Variants in PCK2 observed in about 807,000 individuals in gnomAD.
PCK2 encodes the protein phosphoenolpyruvate carboxykinase 2, mitochondrial, also known as phosphoenolpyruvate carboxykinase [GTP], mitochondrial.
Under a neutral mutation model 65.9 loss-of-function variants are expected in PCK2, and 56 were observed. That is an observed-to-expected ratio of 0.85 (90% CI 0.69 to 1.06). PCK2 has a LOEUF of 1.06. PCK2 is among the 50% of genes least tolerant of loss of function. PCK2 has a pLI of 0.00. For synonymous variants in PCK2, 305 were observed against 319.6 expected (o/e 0.95, Z 0.49); for missense variants, 843 against 863.1 (o/e 0.98, Z 0.29).
rs1206371356 is a variant in PCK2, at chr14:24,100,156, C to T, written c.1177C>T (p.Gln393Ter). The T allele has an allele frequency of 6.2e-7, 1 of 1,614,010 alleles. No individual in the cohort carries two copies. The highest frequency in any genetic ancestry group is 8.5e-7 in the Non-Finnish European group (1 of 1,179,928). Reference sequence around the variant, plus strand: ...TGGCGTGTACTGGGAGGGCATTGACCAGCCTCTTCCACCTGGTGTTACTGT... The same window carrying T: ...TGGCGTGTACTGGGAGGGCATTGACTAGCCTCTTCCACCTGGTGTTACTGT... ...DGGVYWEGID[Q>*]PLPPGVTVTS... Residue 393 changes from glutamine (Q) to a stop codon, truncating the protein, a stop_gained, in exon 7 of 10, where the codon CAG (glutamine) becomes TAG (stop). Transcript: ENST00000216780. LOFTEE classifies it high-confidence loss of function.
At position 24,094,383 on chromosome 14, in the gene PCK2, C is replaced by A; in HGVS notation, c.-23C>A. On this transcript the variant is annotated 5_prime_UTR_variant, in exon 1 of 10. Transcript: ENST00000216780. This position sits in a 1 kb window ranked among gnomAD's most constrained non-coding sequence, Gnocchi z 4.1. ...CCGGCTCCGCTCGGTTCCTGGCCAC[C>A]CCGCAGCCCCTGCCCAGGTGCCATG... 1 of 1,548,056 alleles carries A rather than the reference C, an allele frequency of 6.5e-7. No homozygotes were observed. Among genetic ancestry groups the A allele is most frequent in the East Asian group, 2.5e-5 (1 of 40,306 alleles).
In PCK2 at chr14:24,094,682, C is replaced by CT; in HGVS notation, c.29+249dup. 6.6e-7 allele frequency: 1 copy of CT among 1,521,438 alleles called. No homozygotes were observed. Among genetic ancestry groups the CT allele is most frequent in the Non-Finnish European group, 8.8e-7 (1 of 1,138,098 alleles). 94.2% of individuals were successfully genotyped at this position (1,521,438 alleles called of 1,614,324 possible). A position where few individuals can be genotyped will look rare whatever the true frequency, so the allele number is the denominator to read the frequency against. On this transcript the variant is annotated intron_variant, in intron 1 of 9. Coordinates refer to ENST00000216780, the MANE Select transcript of PCK2 (RefSeq NM_004563.4). This position sits in a 1 kb window ranked among gnomAD's most constrained non-coding sequence, Gnocchi z 4.1. Reference sequence around the variant, plus strand: ...TCGCTCGCCTCTGACCGCGCGATCTCTATCTGCCACTCTCAGAACTTCCTC... The same window carrying CT: ...TCGCTCGCCTCTGACCGCGCGATCTCTTATCTGCCACTCTCAGAACTTCCTC...
intron 4 of PCK2, 146 bp downstream of exon 4, chr14:24,098,824 G>A (rs1441422735): frequency 7.9e-6 from 6 of 759,950 alleles, no homozygotes; most frequent in Non-Finnish European, 1.3e-5. Flanking sequence ...CCCAGCAGAG[G>A]GATAAGGCTG....
rs765307535 is a variant in PCK2 at position 24,099,252 on chromosome 14, G to T, written c.852+16G>T. The T allele has an allele frequency of 7.0e-6, 11 of 1,582,032 alleles. 1 individual carries two copies. The South Asian group carries it at 1.2e-4, about 17-fold the overall frequency. ...GCACATGCTGGTGAGGGCCTGGTGA[G>T]AAGCAGGGCAGCTGCCGGGGACAGG... On this transcript the variant is annotated intron_variant, in intron 5 of 9. Coordinates refer to ENST00000216780, the MANE Select transcript of PCK2 (RefSeq NM_004563.4).
intron 7 of PCK2, chr14:24,100,541 A>T: frequency 1.0e-6 from 1 of 982,798 alleles, no homozygotes; most frequent in Non-Finnish European, 1.3e-6. Context: ...TGACAAATAC[A>T]CAGTAAATTC....
chr14:24,096,205 G>A (rs1233707508), intron 1 of PCK2, among the ~76,000 whole-genome samples: 1 of 148,430 alleles, frequency 6.7e-6, no homozygotes, highest in Non-Finnish European at 1.5e-5. Flanking sequence ...CTTGACACTT[G>A]GGCCAAAGGC....
In PCK2 at chr14:24,099,058, T is replaced by C. The variant is rs1448658147; in HGVS notation, c.674T>C (p.Val225Ala). ...GQPLTGQGEP[V>A]SQWPCNPEKT... ...ACCCCATTGTCCCCAGGGGAGCCAG[T>C]GAGCCAGTGGCCGTGCAACCCAGAG... The change falls in exon 5 of 10, where the codon GTG (valine) becomes GCG (alanine). Residue 225 changes from valine to alanine, a missense_variant. Coordinates refer to ENST00000216780, the MANE Select transcript of PCK2 (RefSeq NM_004563.4). The C allele has an allele frequency of 1.2e-6, 2 of 1,600,716 alleles. 1 individual carries two copies. Among genetic ancestry groups the C allele is most frequent in the South Asian group, 2.2e-5 (2 of 90,846 alleles).
chr14:24,095,141 A>G (rs1194690897), intron 1 of PCK2: 3 of 455,914 alleles, frequency 6.6e-6, no homozygotes, highest in African/African-American at 6.0e-5. Flanking sequence ...CTCTCTTCTC[A>G]GCTTTTGTCC....
rs755220977 is a variant in PCK2 at position 24,094,461 on chromosome 14, C to T, written c.29+27C>T. ...TGAGTGACCCCCGGCCCGGGGCCCA[C>T]CCGCACCTTCCGCTGCGCTCGCCCC... is the stretch of plus-strand genomic sequence containing the variant. On this transcript the variant is annotated intron_variant, in intron 1 of 9. Coordinates refer to ENST00000216780, the MANE Select transcript of PCK2 (RefSeq NM_004563.4). This position sits in a 1 kb window ranked among gnomAD's most constrained non-coding sequence, Gnocchi z 4.1. The T allele has an allele frequency of 2.0e-6, 3 of 1,515,334 alleles. No individual in the cohort carries two copies. The highest frequency in any genetic ancestry group is 1.4e-5 in the African/African-American group (1 of 70,562). 93.9% of individuals were successfully genotyped at this position (1,515,334 alleles called of 1,614,324 possible).
At chr14:24,094,195 C>T (rs969329734), upstream of PCK2, 12 of 565,114 alleles carry the variant, frequency 2.1e-5, no homozygotes, top group Admixed American at 7.5e-5. This position sits in a 1 kb window ranked among gnomAD's most constrained non-coding sequence, Gnocchi z 4.1. Flanking sequence ...CCTGGAGCCC[C>T]GGGGCCGAGG....
Position 24,100,025 on chromosome 14 carries a change from G to A in PCK2, c.1046G>A (p.Gly349Asp), listed in dbSNP as rs1414763956. The change falls in exon 7 of 10, where the codon GGC becomes GAC. Residue 349 changes from glycine (G) to aspartate (D), a missense_variant. Transcript: ENST00000216780. ...GRLRAINPEN[G>D]FFGVAPGTSA... ...CTCCGGGCCATCAACCCTGAGAACG[G>A]CTTCTTTGGGGTTGCCCCTGGTACC... 1 of 1,614,058 alleles carries A rather than the reference G, an allele frequency of 6.2e-7. No individual in the cohort carries two copies. Among genetic ancestry groups the A allele is most frequent in the Non-Finnish European group, 8.5e-7 (1 of 1,179,938 alleles).
intron 1 of PCK2, among the ~76,000 whole-genome samples, chr14:24,096,228 CTTTTTTTTTTTTTT>C (rs34592767): frequency 1.7e-5 from 1 of 58,848 alleles, no homozygotes; most frequent in South Asian, 1.0e-3. Flanking sequence ...CTACTCATTT[CTTTTTTTTTTTTTT>C]TTTTTTTTTT....
At position 24,094,382 on chromosome 14, in the gene PCK2, C is replaced by T. The variant is rs1424052095; in HGVS notation, c.-24C>T. 1 of 1,547,328 alleles carries T rather than the reference C, an allele frequency of 6.5e-7. No homozygotes were observed. Among genetic ancestry groups the T allele is most frequent in the Non-Finnish European group, 8.7e-7 (1 of 1,150,096 alleles). On this transcript the variant is annotated 5_prime_UTR_variant, in exon 1 of 10. Coordinates refer to ENST00000216780, the MANE Select transcript of PCK2 (RefSeq NM_004563.4). The surrounding 1 kb of genome is among the most constrained non-coding windows in gnomAD (Gnocchi z 4.1). ...CCCGGCTCCGCTCGGTTCCTGGCCACCCCGCAGCCCCTGCCCAGGTGCCAT... is the reference window on the plus strand; with the variant it reads ...CCCGGCTCCGCTCGGTTCCTGGCCATCCCGCAGCCCCTGCCCAGGTGCCAT...
Position 24,102,803 on chromosome 14 carries a change from C to A in PCK2, c.1285C>A (p.Arg429Ser). ...HPNSRFCAPA[R>S]QCPIMDPAWE... ...CAACTCTCGATTTTGTGCCCCGGCTCGCCAGTGCCCCATCATGGACCCAGC... is the reference window on the plus strand; with the variant it reads ...CAACTCTCGATTTTGTGCCCCGGCTAGCCAGTGCCCCATCATGGACCCAGC... Residue 429 changes from arginine to serine, a missense_variant, in exon 8 of 10, where the codon CGC (arginine) becomes AGC (serine). Transcript: ENST00000216780. The A allele has an allele frequency of 1.2e-6, 2 of 1,613,704 alleles. No homozygotes were observed. The highest frequency in any genetic ancestry group is 2.2e-5 in the East Asian group (1 of 44,886).
intron 7 of PCK2, 78 bp from the exon 8 acceptor site, chr14:24,102,675 A>T (rs1472326556): frequency 7.9e-7 from 1 of 1,262,578 alleles, no homozygotes; most frequent in Non-Finnish European, 1.1e-6. Flanking sequence ...GAACCCTGCA[A>T]GAATGTGTGC....
At chr14:24,103,021 A>C in intron 8 of PCK2, 131 bp downstream of exon 8, 1 of 1,241,804 alleles carries the variant, frequency 8.1e-7, no homozygotes, top group East Asian at 2.3e-5. Context: ...GGTGAATGCA[A>C]ACTTGGGAGG....
At chr14:24,098,830 G>A (rs2037020968) in intron 4 of PCK2, 152 bp downstream of exon 4, 2 of 753,350 alleles carry the variant, frequency 2.7e-6, no homozygotes, top group South Asian at 1.7e-5. Context: ...AGAGGGATAA[G>A]GCTGTGTTTG....
intron 1 of PCK2, among the ~76,000 whole-genome samples, chr14:24,096,595 G>A (rs577086171): frequency 8.5e-5 from 13 of 152,224 alleles, no homozygotes; most frequent in Admixed American, 7.9e-4. Context: ...GGCTACACAG[G>A]CAGTAACATC....
rs765879490 is a variant in PCK2 at position 24,103,769 on chromosome 14, G to A, written c.1728G>A (p.Val576=). ...DSARETPIGL[V]PKEGALDLSG... ...CCCGAGAGACACCCATTGGGCTGGTGCCAAAGGAAGGAGCCTTGGATCTCA... is the reference window on the plus strand; with the variant it reads ...CCCGAGAGACACCCATTGGGCTGGTACCAAAGGAAGGAGCCTTGGATCTCA... The change falls in exon 10 of 10, where the codon GTG becomes GTA. Residue 576 remains valine, a synonymous_variant. Coordinates refer to ENST00000216780, the MANE Select transcript of PCK2 (RefSeq NM_004563.4). 2.7e-5 allele frequency: 43 copies of A among 1,614,102 alleles called. No individual in the cohort carries two copies. The highest frequency in any genetic ancestry group is 5.0e-5 in the Admixed American group (3 of 60,008).
Sources: allele counts gnomAD v4.1 joint callset (sites outside exome capture counted in the v4.1 genomes callset), GRCh38; gene constraint gnomAD v4.1.1; non-coding constraint Gnocchi (gnomAD v3.1); transcripts MANE v1.5; gene names NCBI Gene and HGNC (gene_info 2026-07-23, HGNC 2026-07-21).